The following SDK1 variants were observed in gnomAD, a reference collection of about 807,000 sequenced individuals.
The protein encoded by SDK1 is protein sidekick-1.
In SDK1, 157 loss-of-function variants were observed where a neutral mutation model predicts 245.5. That is an observed-to-expected ratio of 0.64 (90% CI 0.56 to 0.73). The LOEUF (loss-of-function observed/expected upper bound fraction) is 0.73. Ranked by LOEUF, SDK1 falls within the 30% of genes least tolerant of loss-of-function variation. The probability of loss-of-function intolerance (pLI) is 0.00; values close to 1 mark genes in which losing one functional copy is unlikely to be tolerated. For synonymous variants in SDK1, 1,647 were observed against 1,278.5 expected (o/e 1.29, Z -6.15); for missense variants, 3,583 against 3,002.3 (o/e 1.19, Z -4.52).
chr7:3,833,017 A>G (rs1231834088), intron 5 of SDK1, among the ~76,000 whole-genome samples: 2 of 152,142 alleles, frequency 1.3e-5, no homozygotes, highest in African/African-American at 4.8e-5. Context: ...TTAGAGCATC[A>G]TAAAAATGTG....
intron 18 of SDK1, 32 bp downstream of exon 18, chr7:4,049,495 G>C (rs1789280882): frequency 6.5e-7 from 1 of 1,528,256 alleles, no homozygotes; most frequent in African/African-American, 1.4e-5. Flanking sequence ...CCTGTGGGCA[G>C]CTGTCATTGT....
At chr7:4,040,879 C>G (rs558701138) in intron 17 of SDK1, among the ~76,000 whole-genome samples, 1 of 152,292 alleles carries the variant, frequency 6.6e-6, no homozygotes, top group East Asian at 1.9e-4. Flanking sequence ...TCAGGTAGCC[C>G]TTTTCTGTTG....
chr7:3,966,978 T>C (rs1395046920), intron 9 of SDK1, among the ~76,000 whole-genome samples: 1 of 152,198 alleles, frequency 6.6e-6, no homozygotes, highest in Non-Finnish European at 1.5e-5. Flanking sequence ...GGGCTACCTT[T>C]CATTTAAAGA....
intron 1 of SDK1, among the ~76,000 whole-genome samples, chr7:3,368,897 A>G (rs2128562739): frequency 6.6e-6 from 1 of 152,294 alleles, no homozygotes; most frequent in African/African-American, 2.4e-5. Context: ...ACTCTCTATT[A>G]TATAAATAAA....
intron 40 of SDK1, among the ~76,000 whole-genome samples, chr7:4,229,413 C>T (rs1785616113): frequency 6.6e-6 from 1 of 152,060 alleles, no homozygotes; most frequent in Non-Finnish European, 1.5e-5. Context: ...CCCCCTCACC[C>T]AACATTTTTG....
chr7:3,894,277 T>C lies in SDK1; in HGVS notation c.848-56646T>C, dbSNP rs1358199656. 4.6e-5 allele frequency among the ~76,000 whole-genome samples: 7 copies of C among 152,246 alleles called. No homozygotes were observed. The South Asian group carries it at 1.4e-3, about 32-fold the overall frequency. On this transcript the variant is annotated intron_variant, in intron 5 of 44. Coordinates refer to ENST00000404826, the MANE Select transcript of SDK1 (RefSeq NM_152744.4). Reference sequence around the variant, plus strand: ...CTTAAGAACAGTTTTAAAATGTGCATGGCTCCTGCTAAATTTAACAGCTTC... The same window carrying C: ...CTTAAGAACAGTTTTAAAATGTGCACGGCTCCTGCTAAATTTAACAGCTTC...
chr7:4,109,376 T>G (rs1028498566), intron 22 of SDK1, among the ~76,000 whole-genome samples: 24 of 152,346 alleles, frequency 1.6e-4, no homozygotes, highest in African/African-American at 5.3e-4. Context: ...AAGGTCATTT[T>G]GAATTCTCCT....
At chr7:3,512,243 C>T (rs529400725) in intron 1 of SDK1, among the ~76,000 whole-genome samples, 1 of 152,242 alleles carries the variant, frequency 6.6e-6, no homozygotes, top group African/African-American at 2.4e-5. Flanking sequence ...ATAACTTTCA[C>T]ATAGTAATAT....
At position 4,267,238 on chromosome 7, in the gene SDK1, C is replaced by A. The variant is rs1583212048; in HGVS notation, c.*1854C>A. ...CTTTCCTTCCTTCCTCCCTTCCTCT[C>A]TTCTTTCCTCCCTCCCTCCCTCCTT... On this transcript the variant is annotated 3_prime_UTR_variant, in exon 45 of 45. Coordinates refer to ENST00000404826, the MANE Select transcript of SDK1 (RefSeq NM_152744.4). The A allele has an allele frequency of 1.2e-6, 1 of 830,678 alleles. No homozygotes were observed. Among genetic ancestry groups the A allele is most frequent in the Non-Finnish European group, 1.4e-6 (1 of 689,984 alleles). The allele number at this position is 830,678 out of a possible 1,614,324, so 51.5% of individuals were successfully genotyped here. A position where few individuals can be genotyped will look rare whatever the true frequency, so the allele number is the denominator to read the frequency against.
intron 11 of SDK1, among the ~76,000 whole-genome samples, chr7:3,969,992 T>G (rs1434025121): frequency 6.6e-6 from 1 of 152,242 alleles, no homozygotes; most frequent in African/African-American, 2.4e-5. Flanking sequence ...TTTTGCACTT[T>G]TTAAAATCAA....
intron 4 of SDK1, among the ~76,000 whole-genome samples, chr7:3,667,046 C>T (rs1783556977): frequency 6.6e-6 from 1 of 151,860 alleles, no homozygotes; most frequent in African/African-American, 2.4e-5. Flanking sequence ...CTTGTTCTTT[C>T]CATTAAGTGC....
At chr7:4,162,062 G>T (rs1245446600) in intron 32 of SDK1, among the ~76,000 whole-genome samples, 2 of 152,094 alleles carry the variant, frequency 1.3e-5, no homozygotes, top group African/African-American at 4.8e-5. Flanking sequence ...AACATTAGAA[G>T]CAGGACTGTG....
At chr7:3,864,898 A>G (rs1046322391) in intron 5 of SDK1, among the ~76,000 whole-genome samples, 1 of 152,224 alleles carries the variant, frequency 6.6e-6, no homozygotes, top group Non-Finnish European at 1.5e-5. Flanking sequence ...AGAAGAAAAC[A>G]GATGTGAGTA....
At chr7:3,551,171 C>T (rs536732611) in intron 1 of SDK1, among the ~76,000 whole-genome samples, 19 of 152,058 alleles carry the variant, frequency 1.2e-4, no homozygotes, top group South Asian at 6.2e-4. Context: ...AGTTACAACC[C>T]GGCCAACACC....
chr7:3,734,304 T>A (rs1340768268), intron 4 of SDK1, among the ~76,000 whole-genome samples: 3 of 152,192 alleles, frequency 2.0e-5, no homozygotes, highest in Non-Finnish European at 4.4e-5. Flanking sequence ...GATACATGAA[T>A]TCTGTGACTT....
intron 13 of SDK1, among the ~76,000 whole-genome samples, chr7:3,983,377 A>G (rs887070513): frequency 2.6e-5 from 4 of 152,142 alleles, no homozygotes; most frequent in African/African-American, 7.2e-5. Flanking sequence ...CCCCCAGCCT[A>G]TAGCCCCACC....
chr7:4,018,301 A>G (rs1786585498), intron 17 of SDK1, among the ~76,000 whole-genome samples: 1 of 152,194 alleles, frequency 6.6e-6, no homozygotes, highest in South Asian at 2.1e-4. Context: ...TCCCCAAATC[A>G]TGCCTGAGAC....
chr7:4,169,069 G>T (rs1781674846), intron 32 of SDK1, among the ~76,000 whole-genome samples: 1 of 152,186 alleles, frequency 6.6e-6, no homozygotes, highest in Non-Finnish European at 1.5e-5. Flanking sequence ...TTGCTGTGTG[G>T]TTGTCAGGGG....
rs868434026 is a variant in SDK1, at chr7:3,534,780, C to G, written c.299-84300C>G. On this transcript the variant is annotated intron_variant, in intron 1 of 44. Transcript: ENST00000404826. ...TGAAAAGCAGCCCCAAATCATTTTC[C>G]TTTCTAACAGAAAAATCTGTGAAAT... Among the ~76,000 whole-genome samples, 22 of 152,306 alleles carry G rather than the reference C, an allele frequency of 1.4e-4. 1 individual carries two copies. The Middle Eastern group carries it at 0.01, about 71-fold the overall frequency.
Sources: allele counts gnomAD v4.1 joint callset (sites outside exome capture counted in the v4.1 genomes callset), GRCh38; gene constraint gnomAD v4.1.1; transcripts MANE v1.5; gene names NCBI Gene and HGNC (gene_info 2026-07-23, HGNC 2026-07-21).